ATP9B: variants seen among roughly 807,000 people sequenced by gnomAD.
The protein encoded by ATP9B is probable phospholipid-transporting ATPase IIB.
A neutral mutation model predicts 146.1 loss-of-function variants in ATP9B; 110 were observed. The ratio of observed to expected loss-of-function variants is 0.75; its 90% CI spans 0.65 to 0.88. ATP9B has a LOEUF of 0.88. ATP9B is among the 40% of genes least tolerant of loss of function. The pLI, the probability that ATP9B is intolerant of heterozygous loss-of-function variation, is 0.00. For missense variants in ATP9B, 1,499 were observed against 1,496.4 expected, an observed-to-expected ratio of 1.00 and a Z score of -0.03; for synonymous variants, 604 against 569.7, an observed-to-expected ratio of 1.06 and a Z score of -0.86.
chr18:79,203,812 A>G (rs1248326978), intron 9 of ATP9B, among the ~76,000 whole-genome samples: 1 of 152,186 alleles, frequency 6.6e-6, no homozygotes, highest in Non-Finnish European at 1.5e-5. Context: ...TACCGTGTCA[A>G]CCGTATCTGG....
intron 5 of ATP9B, among the ~76,000 whole-genome samples, chr18:79,127,283 T>C (rs1231717157): frequency 6.6e-6 from 1 of 152,206 alleles, no homozygotes; most frequent in Non-Finnish European, 1.5e-5. Context: ...TCACCAACAC[T>C]GTCATTTAAG....
At position 79,312,507 on chromosome 18, in the gene ATP9B, A is replaced by G. The variant is rs557113546; in HGVS notation, c.1773+5273A>G. Among the ~76,000 whole-genome samples, 6 of 152,264 alleles carry G rather than the reference A, an allele frequency of 3.9e-5. No individual in the cohort carries two copies. The South Asian group carries it at 1.2e-3, about 32-fold the overall frequency. On this transcript the variant is annotated intron_variant, in intron 15 of 29. Transcript: ENST00000426216. The stretch of plus-strand genomic sequence containing the variant: ...CTGCCCATTGGCACGCGGGACTCCC[A>G]TGTGTCTTCTGGGTGGGCATCCCTC...
In ATP9B at chr18:79,157,874, T is replaced by C. The variant is rs144136972; in HGVS notation, c.778+3319T>C. Among the ~76,000 whole-genome samples, 152 of 152,330 alleles carry C rather than the reference T, an allele frequency of 1.0e-3. 2 individuals carry two copies. Among genetic ancestry groups the C allele is most frequent in the African/African-American group, 3.5e-3 (147 of 41,594 alleles). On this transcript the variant is annotated intron_variant, in intron 7 of 29. Transcript: ENST00000426216. ...AATGTAACCTCCTTTGTTCCTGATT[T>C]TAGTAATTGAACTCTTCTCTCTTTT...
rs115168133 is a variant in ATP9B at position 79,322,073 on chromosome 18, G to A, written c.1774-7068G>A. Among the ~76,000 whole-genome samples, 997 of 152,268 alleles carry A rather than the reference G, an allele frequency of 6.5e-3. 5 individuals are homozygous for A. The highest frequency in any genetic ancestry group is 0.022 in the African/African-American group (932 of 41,556). On this transcript the variant is annotated intron_variant, in intron 15 of 29. Coordinates refer to ENST00000426216, the MANE Select transcript of ATP9B (RefSeq NM_198531.5). The stretch of plus-strand genomic sequence containing the variant: ...CACAGGTGCCACCTCCCTCCCCTTC[G>A]ATGGGTGGTAGTCCTGGCTGACCCC...
chr18:79,236,315 G>A (rs1370354899), intron 11 of ATP9B, among the ~76,000 whole-genome samples: 1 of 152,140 alleles, frequency 6.6e-6, no homozygotes, highest in East Asian at 1.9e-4. Context: ...TATGAAAGTC[G>A]TAGCTCATTT....
At chr18:79,309,790 C>T (rs1355975355) in intron 15 of ATP9B, among the ~76,000 whole-genome samples, 1 of 152,118 alleles carries the variant, frequency 6.6e-6, no homozygotes, top group Non-Finnish European at 1.5e-5. Context: ...GAAATTAATT[C>T]AATTGTACAT....
At chr18:79,109,062 A>T (rs912676227) in intron 2 of ATP9B, among the ~76,000 whole-genome samples, 6 of 152,176 alleles carry the variant, frequency 3.9e-5, no homozygotes, top group African/African-American at 1.4e-4. Flanking sequence ...AATCAGCCTT[A>T]TGCTGTCATT....
chr18:79,176,132 CTGTT>C (rs887570883), intron 7 of ATP9B, among the ~76,000 whole-genome samples: 7 of 152,172 alleles, frequency 4.6e-5, no homozygotes, highest in Non-Finnish European at 8.8e-5. Flanking sequence ...AGCTCGTCCT[CTGTT>C]TGTTCCCCTT....
At chr18:79,220,961 C>T (rs2095671018) in intron 11 of ATP9B, among the ~76,000 whole-genome samples, 1 of 152,168 alleles carries the variant, frequency 6.6e-6, no homozygotes, top group African/African-American at 2.4e-5. Context: ...GCGTCCTCTC[C>T]CGTTGCCCTC....
At chr18:79,361,891 G>T in intron 26 of ATP9B, 2 of 690,774 alleles carry the variant, frequency 2.9e-6, no homozygotes, top group Non-Finnish European at 3.6e-6. Context: ...TGCGATGTAG[G>T]ACAACATAGC....
chr18:79,302,301 G>A (rs890429559), intron 13 of ATP9B, among the ~76,000 whole-genome samples: 1 of 152,122 alleles, frequency 6.6e-6, no homozygotes, highest in African/African-American at 2.4e-5. Flanking sequence ...CCGGGGACAA[G>A]GTGAAAGCAG....
chr18:79,281,054 A>C (rs904316693), intron 13 of ATP9B, among the ~76,000 whole-genome samples: 1 of 152,192 alleles, frequency 6.6e-6, no homozygotes, highest in Non-Finnish European at 1.5e-5. Flanking sequence ...ACTTAAGAAT[A>C]GTAAAATAAA....
intron 13 of ATP9B, among the ~76,000 whole-genome samples, chr18:79,286,330 TCA>T (rs1302739312): frequency 6.6e-6 from 1 of 152,106 alleles, no homozygotes; most frequent in African/African-American, 2.4e-5. Flanking sequence ...AAGAAGTCCT[TCA>T]CGTCCCTTGT....
At chr18:79,327,760 C>T (rs1156931569) in intron 15 of ATP9B, among the ~76,000 whole-genome samples, 1 of 135,834 alleles carries the variant, frequency 7.4e-6, no homozygotes. Context: ...GGTTAGCGTG[C>T]TCTCTGTGGT....
intron 29 of ATP9B, 81 bp from the exon 30 acceptor site, chr18:79,377,166 T>C (rs1384761383): frequency 2.6e-6 from 4 of 1,541,204 alleles, no homozygotes; most frequent in Non-Finnish European, 3.5e-6. Context: ...TCTGGTGGCC[T>C]GGCCAGGTCT....
chr18:79,131,180 G>C (rs2147253971), intron 5 of ATP9B, among the ~76,000 whole-genome samples: 1 of 152,182 alleles, frequency 6.6e-6, no homozygotes, highest in South Asian at 2.1e-4. Flanking sequence ...AAGTTGTTAA[G>C]ACATTCACAG....
rs73971582 is a variant in ATP9B at position 79,226,599 on chromosome 18, G to C, written c.1107+12561G>C. On this transcript the variant is annotated intron_variant, in intron 11 of 29. Coordinates refer to ENST00000426216, the MANE Select transcript of ATP9B (RefSeq NM_198531.5). Reference sequence around the variant, plus strand: ...TTTGCTTAGGTGCCTCATCTTCCACGAGACTTCCCACGCCCTGGAGGCAGG... The same window carrying C: ...TTTGCTTAGGTGCCTCATCTTCCACCAGACTTCCCACGCCCTGGAGGCAGG... Among the ~76,000 whole-genome samples, 720 of 152,292 alleles carry C rather than the reference G, an allele frequency of 4.7e-3. 9 individuals carry two copies. Among genetic ancestry groups the C allele is most frequent in the African/African-American group, 0.016 (651 of 41,532 alleles).
intron 13 of ATP9B, among the ~76,000 whole-genome samples, chr18:79,286,304 T>C (rs966741407): frequency 1.3e-5 from 2 of 152,102 alleles, no homozygotes; most frequent in Non-Finnish European, 2.9e-5. Context: ...TGAGCAGTGG[T>C]TTGTAGTTCT....
intron 7 of ATP9B, among the ~76,000 whole-genome samples, chr18:79,173,505 T>C (rs778607632): frequency 2.6e-5 from 4 of 152,072 alleles, no homozygotes; most frequent in Non-Finnish European, 4.4e-5. Context: ...GTATAAGATG[T>C]AAGGTTCAGG....
Sources: allele counts gnomAD v4.1 joint callset (sites outside exome capture counted in the v4.1 genomes callset), GRCh38; gene constraint gnomAD v4.1.1; transcripts MANE v1.5; gene names NCBI Gene and HGNC (gene_info 2026-07-23, HGNC 2026-07-21).